Variants in SCNN1D observed in about 807,000 individuals in gnomAD.
SCNN1D encodes sodium channel epithelial 1 subunit delta.
SCNN1D carries 104 observed loss-of-function variants against 87.8 expected under a neutral mutation model. That is an observed-to-expected ratio of 1.18 (90% CI 1.01 to 1.39). The LOEUF is 1.39. SCNN1D is among the 40% of genes most tolerant of loss of function. The probability of loss-of-function intolerance (pLI) is 0.00; values close to 1 mark genes in which losing one functional copy is unlikely to be tolerated. For missense variants in SCNN1D, 1,324 were observed against 1,093.9 expected, an observed-to-expected ratio of 1.21 and a Z score of -2.97; for synonymous variants, 628 against 481.2, an observed-to-expected ratio of 1.31 and a Z score of -3.99.
Position 1,280,468 on chromosome 1 carries a change from T to TAAAA in SCNN1D, c.-185_-182dup. ...GACAGCGAGACTCCATCTCAATAAA[T>TAAAA]AAAAAAAAAAAAGAGTTGTTATCAG... is the stretch of plus-strand genomic sequence containing the variant. On this transcript the variant is annotated 5_prime_UTR_variant, in exon 1 of 18. Transcript: ENST00000379116. 5.1e-6 allele frequency: 2 copies of TAAAA among 391,932 alleles called. No individual in the cohort carries two copies. The highest frequency in any genetic ancestry group is 3.8e-5 in the South Asian group (1 of 26,132). 24.3% of individuals were successfully genotyped at this position (391,932 alleles called of 1,614,324 possible).
Position 1,290,301 on chromosome 1 carries a change from ATGG to A in SCNN1D, c.1697_1699del (p.Val566del). On this transcript the variant is annotated inframe_deletion, in exon 13 of 18. Coordinates refer to ENST00000379116, the MANE Select transcript of SCNN1D (RefSeq NM_001130413.4). ...CCTGGTGTCCTGCTTCCAGCAGCTG[ATGG>A]TGGAGACCTGCTCCTGTGGCTACTA... 6.3e-7 allele frequency: 1 copy of A among 1,581,586 alleles called. No homozygotes were observed. Among genetic ancestry groups the A allele is most frequent in the Non-Finnish European group, 8.6e-7 (1 of 1,162,038 alleles).
Position 1,282,222 on chromosome 1 carries a change from CG to C in SCNN1D, c.278-19del. On this transcript the variant is annotated intron_variant, in intron 3 of 17. Transcript: ENST00000379116. ...CTCGGGAAGGCCACACAGCCAGTGACGAAGCTGTGATTCACACAGGCCTGGG... is the reference window on the plus strand; with the variant it reads ...CTCGGGAAGGCCACACAGCCAGTGACAAGCTGTGATTCACACAGGCCTGGG... 2 of 1,337,384 alleles carry C rather than the reference CG, an allele frequency of 1.5e-6. No homozygotes were observed. The highest frequency in any genetic ancestry group is 2.1e-6 in the Non-Finnish European group (2 of 952,812). 82.8% of individuals were successfully genotyped at this position (1,337,384 alleles called of 1,614,324 possible).
Position 1,291,734 on chromosome 1 carries a change from G to C in SCNN1D, c.*124G>C. The C allele has an allele frequency of 1.5e-6, 1 of 669,350 alleles. No homozygotes were observed. The highest frequency in any genetic ancestry group is 2.6e-5 in the South Asian group (1 of 37,764). 41.5% of individuals were successfully genotyped at this position (669,350 alleles called of 1,614,324 possible). A position where few individuals can be genotyped will look rare whatever the true frequency, so the allele number is the denominator to read the frequency against. The stretch of plus-strand genomic sequence containing the variant: ...CAGGAAGCAGCACACGCGGCCGTGG[G>C]GAGGCAGGCACCGGGCATGTCGGCG... On this transcript the variant is annotated 3_prime_UTR_variant, in exon 18 of 18. Coordinates refer to ENST00000379116, the MANE Select transcript of SCNN1D (RefSeq NM_001130413.4).
At position 1,290,274 on chromosome 1, in the gene SCNN1D, T is replaced by C; in HGVS notation, c.1666T>C (p.Cys556Arg). The C allele has an allele frequency of 1.3e-6, 2 of 1,561,774 alleles. No homozygotes were observed. The highest frequency in any genetic ancestry group is 1.7e-6 in the Non-Finnish European group (2 of 1,152,556). Residue 556 changes from cysteine to arginine, a missense_variant, in exon 13 of 18, where the codon TGC becomes CGC. Coordinates refer to ENST00000379116, the MANE Select transcript of SCNN1D (RefSeq NM_001130413.4). ...TGCTCATCCCCCCTGTCCCCAGGCC[T>C]GCCTGGTGTCCTGCTTCCAGCAGCT... ...LHNTSYTRQA[C>R]LVSCFQQLMV...
chr1:1,281,454 C>T lies in SCNN1D; in HGVS notation c.121C>T (p.Arg41Trp), dbSNP rs769275938. ...WCSDHRTPTCRELGSPHPTPC... is the reference protein window; with the variant it reads ...WCSDHRTPTCWELGSPHPTPC... ...CAGTGACCACAGGACCCCCACATGCCGGGAGCTGGGTTCGCCCCACCCCAC... is the reference window on the plus strand; with the variant it reads ...CAGTGACCACAGGACCCCCACATGCTGGGAGCTGGGTTCGCCCCACCCCAC... Residue 41 changes from arginine (R) to tryptophan (W), a missense_variant, in exon 3 of 18, where the codon CGG (arginine) becomes TGG (tryptophan). Coordinates refer to ENST00000379116, the MANE Select transcript of SCNN1D (RefSeq NM_001130413.4). The T allele has an allele frequency of 2.4e-5, 36 of 1,519,596 alleles. No homozygotes were observed. The highest frequency in any genetic ancestry group is 1.5e-4 in the African/African-American group (11 of 72,854). 94.1% of individuals were successfully genotyped at this position (1,519,596 alleles called of 1,614,324 possible). A position where few individuals can be genotyped will look rare whatever the true frequency, so the allele number is the denominator to read the frequency against.
At chr1:1,288,221 CCGTGTCTCTGCTCCGT>C (rs1326565194) in intron 12 of SCNN1D, among the ~76,000 whole-genome samples, 184 bp downstream of exon 12, 20 of 135,428 alleles carry the variant, frequency 1.5e-4, no homozygotes, top group African/African-American at 1.6e-4. Context: ...CTGCTCCGTC[CCGTGTCTCTGCTCCGT>C]CCCGTGTCTC....
At chr1:1,288,087 C>T (rs1390372901) in intron 12 of SCNN1D, 50 bp downstream of exon 12, 6 of 785,992 alleles carry the variant, frequency 7.6e-6, no homozygotes, top group Non-Finnish European at 1.1e-5. Flanking sequence ...CTGGGCTGGC[C>T]AGGGGGTGTG....
Position 1,285,628 on chromosome 1 carries a change from A to T in SCNN1D, c.522A>T (p.Arg174Ser). 1 of 1,547,740 alleles carries T rather than the reference A, an allele frequency of 6.5e-7. No homozygotes were observed. Among genetic ancestry groups the T allele is most frequent in the East Asian group, 2.4e-5 (1 of 40,878 alleles). ...RPCHLKGWQH[R>S]PTQHNAACKQ... Reference sequence around the variant, plus strand: ...GCCACCTGAAGGGATGGCAGCACAGACCCACTCAGCACAACGCTGCCTGCA... The same window carrying T: ...GCCACCTGAAGGGATGGCAGCACAGTCCCACTCAGCACAACGCTGCCTGCA... The change falls in exon 6 of 18, where the codon AGA (arginine) becomes AGT (serine). Residue 174 changes from arginine to serine, a missense_variant. By Grantham distance (110) the Arg-to-Ser change is moderately radical. Transcript: ENST00000379116.
Position 1,287,964 on chromosome 1 carries a change from C to T in SCNN1D, c.1589C>T (p.Pro530Leu). ...REDEVHRLGS[P>L]YGHCTAGGEG... ...GACGAGGTGCACCGGCTCGGGAGCC[C>T]CTACGGCCACTGCACCGCCGGCGGG... Residue 530 changes from proline (P) to leucine (L), a missense_variant, in exon 12 of 18, where the codon CCC (proline) becomes CTC (leucine). By Grantham distance (98) the Pro-to-Leu change is moderately conservative (BLOSUM62 -3). Transcript: ENST00000379116. 3 of 1,546,966 alleles carry T rather than the reference C, an allele frequency of 1.9e-6. No individual in the cohort carries two copies. Among genetic ancestry groups the T allele is most frequent in the Non-Finnish European group, 2.6e-6 (3 of 1,145,034 alleles).
Position 1,287,293 on chromosome 1 carries a change from A to G in SCNN1D, c.1304A>G (p.Gln435Arg). The G allele has an allele frequency of 4.4e-6, 7 of 1,589,964 alleles. No individual in the cohort carries two copies. The highest frequency in any genetic ancestry group is 5.1e-6 in the Non-Finnish European group (6 of 1,165,246). Residue 435 changes from glutamine (Q) to arginine (R), a missense_variant, in exon 9 of 18, where the codon CAG becomes CGG. Physicochemically the swap from Gln to Arg is conservative, Grantham distance 43. Coordinates refer to ENST00000379116, the MANE Select transcript of SCNN1D (RefSeq NM_001130413.4). ...TGCAGTTACGATGGCCTGGACTGCC[A>G]GGCCCGGTGAGTGTGGCGGGCGGGG... ...LSCSYDGLDC[Q>R]ARQFRTFHHP...
Position 1,285,625 on chromosome 1 carries a change from C to A in SCNN1D, c.519C>A (p.His173Gln). Reference protein sequence around the residue: ...QRPCHLKGWQHRPTQHNAACK... With the variant: ...QRPCHLKGWQQRPTQHNAACK... ...CCTGCCACCTGAAGGGATGGCAGCA[C>A]AGACCCACTCAGCACAACGCTGCCT... is the stretch of plus-strand genomic sequence containing the variant. The change falls in exon 6 of 18, where the codon CAC becomes CAA. Residue 173 changes from histidine to glutamine, a missense_variant. Physicochemically the swap from His to Gln is conservative, Grantham distance 24. Transcript: ENST00000379116. 1 of 1,547,682 alleles carries A rather than the reference C, an allele frequency of 6.5e-7. No homozygotes were observed. The highest frequency in any genetic ancestry group is 2.4e-5 in the East Asian group (1 of 40,884).
intron 12 of SCNN1D, among the ~76,000 whole-genome samples, chr1:1,288,659 T>C (rs868441812): frequency 0.021 from 344 of 16,418 alleles, 3 homozygotes; most frequent in Middle Eastern, 0.042. Context: ...GTGTCTCTGC[T>C]CCGTCCCGTG....
intron 5 of SCNN1D, 96 bp downstream of exon 5, chr1:1,284,186 T>TGAGGGGGGTGGGGTGGGGGGGG (rs1640533775): frequency 3.4e-4 from 1 of 2,928 alleles, no homozygotes; most frequent in Non-Finnish European, 6.2e-4. Context: ...GTTGGGGGGG[T>TGAGGGGGGTGGGGTGGGGGGGG]TGGGTGAGGG....
rs376190090 is a variant in SCNN1D at position 1,290,587 on chromosome 1, G to T, written c.1859+32G>T. 49 of 1,612,478 alleles carry T rather than the reference G, an allele frequency of 3.0e-5. No homozygotes were observed. In the Middle Eastern group the frequency reaches 4.9e-4, roughly 16 times the overall value. Reference sequence around the variant, plus strand: ...CGGGGGTGTTGGGGTCGCGGCCAGGGATCATTGCCCCAGGTAGCGTGGCAG... The same window carrying T: ...CGGGGGTGTTGGGGTCGCGGCCAGGTATCATTGCCCCAGGTAGCGTGGCAG... On this transcript the variant is annotated intron_variant, in intron 14 of 17. Coordinates refer to ENST00000379116, the MANE Select transcript of SCNN1D (RefSeq NM_001130413.4).
Position 1,290,717 on chromosome 1 carries a change from TG to T in SCNN1D, c.1917+28del, listed in dbSNP as rs764452656. On this transcript the variant is annotated intron_variant, in intron 15 of 17. Transcript: ENST00000379116. ...GCTGTGAGTCCCCAAAGTGGTGGGG[TG>T]GGGGTGTGGACAGCCAGGCAGACCC... 5 of 1,611,754 alleles carry T rather than the reference TG, an allele frequency of 3.1e-6. No individual in the cohort carries two copies. In the Admixed American group the frequency reaches 5.0e-5, roughly 16 times the overall value.
chr1:1,288,088 AG>A (rs1640646161), intron 12 of SCNN1D, 51 bp downstream of exon 12: 10 of 196,700 alleles, frequency 5.1e-5, no homozygotes, highest in Non-Finnish European at 5.7e-5. Flanking sequence ...TGGGCTGGCC[AG>A]GGGGTGTGGG....
At position 1,286,160 on chromosome 1, in the gene SCNN1D, T is replaced by C. The variant is rs1469163564; in HGVS notation, c.793T>C (p.Trp265Arg). The change falls in exon 7 of 18, where the codon TGG (tryptophan) becomes CGG (arginine). Residue 265 changes from tryptophan to arginine, a missense_variant. Trp to Arg is a moderately radical substitution (Grantham distance 101, BLOSUM62 -3). Coordinates refer to ENST00000379116, the MANE Select transcript of SCNN1D (RefSeq NM_001130413.4). ...LSLGALVALC[W>R]QLGLLFERHW... ...CCTGGGAGCCCTGGTCGCGCTCTGC[T>C]GGCAGCTGGGGCTCCTCTTTGAGCG... The C allele has an allele frequency of 3.1e-6, 5 of 1,608,164 alleles. No individual in the cohort carries two copies. The highest frequency in any genetic ancestry group is 3.4e-6 in the Non-Finnish European group (4 of 1,179,200).
chr1:1,291,523 ACGGGTG>A lies in SCNN1D; in HGVS notation c.2323_2328del (p.Arg775_Val776del). On this transcript the variant is annotated inframe_deletion, in exon 18 of 18. Coordinates refer to ENST00000379116, the MANE Select transcript of SCNN1D (RefSeq NM_001130413.4). The stretch of plus-strand genomic sequence containing the variant: ...CGGAGCCCAGCGGGCCTCATCTCCC[ACGGGTG>A]ATGCTTCCAGGGGTTCTGGCGGGAG... 5 of 1,606,698 alleles carry A rather than the reference ACGGGTG, an allele frequency of 3.1e-6. No individual in the cohort carries two copies. Among genetic ancestry groups the A allele is most frequent in the Non-Finnish European group, 4.3e-6 (5 of 1,175,842 alleles).
At position 1,291,681 on chromosome 1, in the gene SCNN1D, CGGCCCAGGGTG is replaced by C. The variant is rs1640824592; in HGVS notation, c.*76_*86del. Reference sequence around the variant, plus strand: ...GCTGTGGCAGCAGCAGGCTCCCCAGCGGCCCAGGGTGGGCCAGACCAGCAGCCCAGGAAGCA... The same window carrying C: ...GCTGTGGCAGCAGCAGGCTCCCCAGCGGCCAGACCAGCAGCCCAGGAAGCA... On this transcript the variant is annotated 3_prime_UTR_variant, in exon 18 of 18. Transcript: ENST00000379116. 2 of 1,267,706 alleles carry C rather than the reference CGGCCCAGGGTG, an allele frequency of 1.6e-6. No homozygotes were observed. Among genetic ancestry groups the C allele is most frequent in the South Asian group, 1.6e-5 (1 of 64,422 alleles). The allele number at this position is 1,267,706 out of a possible 1,614,324, so 78.5% of individuals were successfully genotyped here. A position where few individuals can be genotyped will look rare whatever the true frequency, so the allele number is the denominator to read the frequency against.
Sources: gnomAD v4.1 joint callset for allele counts (sites outside exome capture counted in the v4.1 genomes callset) on GRCh38, gnomAD v4.1.1 for gene constraint, MANE v1.5 for transcripts, NCBI Gene and HGNC (gene_info 2026-07-23, HGNC 2026-07-21) for gene names.